The following MEGF11 variants were observed in gnomAD, a reference collection of about 807,000 sequenced individuals.
The protein encoded by MEGF11 is multiple EGF like domains 11, also known as multiple epidermal growth factor-like domains protein 11.
MEGF11 carries 126 observed loss-of-function variants against 146.6 expected under a neutral mutation model. The observed-to-expected ratio is 0.86, with a 90% confidence interval of 0.74 to 1.00. The LOEUF (loss-of-function observed/expected upper bound fraction) is 1.00, where lower values mean the gene tolerates loss of function less well. MEGF11 is among the 50% of genes least tolerant of loss of function. The pLI is 0.00. For synonymous variants in MEGF11, 532 were observed against 583.4 expected, an observed-to-expected ratio of 0.91 and a Z score of 1.27; for missense variants, 1,509 against 1,521.2, an observed-to-expected ratio of 0.99 and a Z score of 0.13.
At chr15:66,096,340 C>T (rs2086552562) in intron 4 of MEGF11, among the ~76,000 whole-genome samples, 1 of 152,216 alleles carries the variant, frequency 6.6e-6, no homozygotes. Flanking sequence ...TGTCAGGACT[C>T]GAAGAGACTT....
At chr15:65,955,595 TTAGC>T (rs1433683343) in intron 10 of MEGF11, among the ~76,000 whole-genome samples, 3 of 148,800 alleles carry the variant, frequency 2.0e-5, no homozygotes, top group African/African-American at 7.4e-5. Flanking sequence ...AATACAAAAA[TTAGC>T]TAGGCGTGGT....
At chr15:66,178,326 G>A (rs1485931330) in intron 1 of MEGF11, among the ~76,000 whole-genome samples, 1 of 152,100 alleles carries the variant, frequency 6.6e-6, no homozygotes, top group Non-Finnish European at 1.5e-5. Flanking sequence ...GTCTGCCTCA[G>A]GAACCAAACA....
chr15:65,955,823 A>AATATATATATATATAT (rs71139451), intron 10 of MEGF11, among the ~76,000 whole-genome samples: 1 of 40,200 alleles, frequency 2.5e-5, no homozygotes, highest in Non-Finnish European at 4.5e-5. Flanking sequence ...CAATACTTTA[A>AATATATATATATATAT]ATATATAACA....
intron 24 of MEGF11, 150 bp downstream of exon 24, chr15:65,905,935 C>T: frequency 1.9e-6 from 1 of 516,378 alleles, no homozygotes. Context: ...GGCACAGCTA[C>T]CCAACAGCCC....
At chr15:66,079,353 G>A (rs1209237682) in intron 5 of MEGF11, among the ~76,000 whole-genome samples, 2 of 152,198 alleles carry the variant, frequency 1.3e-5, no homozygotes, top group Non-Finnish European at 2.9e-5. Context: ...AGGTTCAAGA[G>A]GCCAAAGAAG....
At chr15:66,126,809 G>A (rs909451352) in intron 2 of MEGF11, among the ~76,000 whole-genome samples, 1 of 152,202 alleles carries the variant, frequency 6.6e-6, no homozygotes. Flanking sequence ...GGGAAATAAA[G>A]GTTTAAATTC....
At chr15:65,963,435 C>T (rs763812511) in intron 9 of MEGF11, among the ~76,000 whole-genome samples, 3 of 151,154 alleles carry the variant, frequency 2.0e-5, no homozygotes, top group East Asian at 1.9e-4. Flanking sequence ...CTAAGATGTA[C>T]TTCTCCTCTA....
chr15:65,975,546 A>G (rs376319696), intron 7 of MEGF11, among the ~76,000 whole-genome samples: 1 of 152,012 alleles, frequency 6.6e-6, no homozygotes, highest in Non-Finnish European at 1.5e-5. Context: ...AGAGAATTTG[A>G]TATCTTGGAG....
At position 66,002,204 on chromosome 15, in the gene MEGF11, G is replaced by T. The variant is rs1187246875; in HGVS notation, c.395-19716C>A. Among the ~76,000 whole-genome samples, 6 of 152,296 alleles carry T rather than the reference G, an allele frequency of 3.9e-5. No homozygotes were observed. In the East Asian group the frequency reaches 1.2e-3, roughly 29 times the overall value. On this transcript the variant is annotated intron_variant, in intron 5 of 25. Coordinates refer to ENST00000395614, the MANE Select transcript of MEGF11 (RefSeq NM_001385028.1). The stretch of plus-strand genomic sequence containing the variant: ...CTCATGGCGCAAGCTGTCTCCAGCT[G>T]CAGAGCTCGCAGAGGATTTCAAGGC...
chr15:66,170,143 T>C (rs901799779), intron 1 of MEGF11, among the ~76,000 whole-genome samples: 1 of 152,102 alleles, frequency 6.6e-6, no homozygotes, highest in Non-Finnish European at 1.5e-5. Context: ...ATCACAATAA[T>C]AATAGCAACA....
chr15:66,080,397 CTG>C lies in MEGF11; in HGVS notation c.394+14003_394+14004del, dbSNP rs1157547156. The stretch of plus-strand genomic sequence containing the variant: ...GCACACACCTGGCTCCTGCCTTCCA[CTG>C]CCCTCCCATGATGGCCTCGCCATCC... On this transcript the variant is annotated intron_variant, in intron 5 of 25. Transcript: ENST00000395614. 8.1e-4 allele frequency among the ~76,000 whole-genome samples: 123 copies of C among 152,356 alleles called. No individual in the cohort carries two copies. The East Asian group carries it at 0.019, about 24-fold the overall frequency.
chr15:65,922,350 G>C lies in MEGF11; in HGVS notation c.1945C>G (p.Leu649Val), dbSNP rs748726570. Residue 649 changes from leucine (L) to valine (V), a missense_variant, in exon 15 of 26, where the codon CTC becomes GTC. Physicochemically the swap from Leu to Val is conservative, Grantham distance 32 (BLOSUM62 1). Coordinates refer to ENST00000395614, the MANE Select transcript of MEGF11 (RefSeq NM_001385028.1). ...CECLPGFSGALCNQVCAGGYF... is the reference protein window; with the variant it reads ...CECLPGFSGAVCNQVCAGGYF... ...CTGGAGACAGTACCTTGGTTGCAGA[G>C]AGCTCCAGAGAATCCTGGGAGGCAC... The C allele has an allele frequency of 1.9e-6, 3 of 1,607,244 alleles. No individual in the cohort carries two copies. Among genetic ancestry groups the C allele is most frequent in the Non-Finnish European group, 2.5e-6 (3 of 1,177,050 alleles).
At chr15:65,916,376 A>G (rs1270293308) in intron 17 of MEGF11, 100 bp from the exon 18 acceptor site, 3 of 1,420,244 alleles carry the variant, frequency 2.1e-6, no homozygotes, top group Admixed American at 2.2e-5. Context: ...TTTGCTGAGC[A>G]TGGGATGAAG....
At chr15:66,170,014 G>A (rs1567271041) in intron 1 of MEGF11, among the ~76,000 whole-genome samples, 1 of 149,438 alleles carries the variant, frequency 6.7e-6, no homozygotes, top group African/African-American at 2.5e-5. Context: ...ACCGTCTGCC[G>A]AAAAAAAAAA....
At chr15:65,994,052 C>T (rs2082131365) in intron 5 of MEGF11, among the ~76,000 whole-genome samples, 1 of 152,174 alleles carries the variant, frequency 6.6e-6, no homozygotes, top group South Asian at 2.1e-4. Flanking sequence ...ATTTCCAGGG[C>T]TCCAGAGCTG....
Position 65,916,827 on chromosome 15 carries a change from C to T in MEGF11, c.2215+1G>A, listed in dbSNP as rs199673237. On this transcript the variant is annotated splice_donor_variant, in intron 17 of 25. Transcript: ENST00000395614. LOFTEE classifies it high-confidence loss of function. ...CTGGGAGGCCAGGAGGTGGGGCTTA[C>T]GCTGTGTGCAGAAGAGTCCAGTCCA... 9.5e-5 allele frequency: 153 copies of T among 1,610,440 alleles called. No individual in the cohort carries two copies. Among genetic ancestry groups the T allele is most frequent in the Middle Eastern group, 1.7e-4 (1 of 6,060 alleles).
At chr15:65,963,602 A>C (rs1567178737) in intron 9 of MEGF11, among the ~76,000 whole-genome samples, 2 of 152,242 alleles carry the variant, frequency 1.3e-5, no homozygotes, top group Non-Finnish European at 2.9e-5. Flanking sequence ...GAAATACGGT[A>C]GAAGGTGCTC....
chr15:66,038,899 C>T (rs1056428155), intron 5 of MEGF11, among the ~76,000 whole-genome samples: 1 of 152,142 alleles, frequency 6.6e-6, no homozygotes, highest in Non-Finnish European at 1.5e-5. Context: ...CCAGGGAAGG[C>T]TTAGTTTAAC....
chr15:65,916,873 C>T lies in MEGF11; in HGVS notation c.2170G>A (p.Ala724Thr). Residue 724 changes from alanine (A) to threonine (T), a missense_variant, in exon 17 of 26, where the codon GCC becomes ACC. Transcript: ENST00000395614. ...GTCCAGCCAGGGGTGCAGTGGCAGG[C>T]CCCGTCCTCGGCGCTGCAGCTCGCC... ...NGASCSAEDG[A>T]CHCTPGWTGL... is the part of the protein sequence containing the mutation. The T allele has an allele frequency of 4.4e-6, 7 of 1,577,474 alleles. No individual in the cohort carries two copies. Among genetic ancestry groups the T allele is most frequent in the Non-Finnish European group, 6.0e-6 (7 of 1,162,798 alleles).
Sources: gnomAD v4.1 joint callset for allele counts (sites outside exome capture counted in the v4.1 genomes callset) on GRCh38, gnomAD v4.1.1 for gene constraint, MANE v1.5 for transcripts, NCBI Gene and HGNC (gene_info 2026-07-23, HGNC 2026-07-21) for gene names.